The following NUP42 variants were observed in gnomAD, a reference collection of about 807,000 sequenced individuals.
The protein encoded by NUP42 is nucleoporin 42.
A neutral mutation model predicts 35.9 loss-of-function variants in NUP42; 47 were observed. The observed-to-expected ratio is 1.31, with a 90% CI of 1.04 to 1.67. The LOEUF is 1.67. Ranked by LOEUF, NUP42 falls within the 40% of genes most tolerant of loss-of-function variation. NUP42 has a pLI of 0.00. For missense variants in NUP42, 514 were observed against 492.2 expected (o/e 1.04, Z -0.42); for synonymous variants, 173 against 173.3 (o/e 1.00, Z 0.01).
At position 23,185,012 on chromosome 7, in the gene NUP42, A is replaced by G. The variant is rs546380517; in HGVS notation, c.122-58A>G. 4.5e-5 allele frequency: 65 copies of G among 1,436,266 alleles called. No individual in the cohort carries two copies. The Middle Eastern group carries it at 6.9e-4, about 15-fold the overall frequency. The allele number at this position is 1,436,266 out of a possible 1,614,324, so 89.0% of individuals were successfully genotyped here. A position where few individuals can be genotyped will look rare whatever the true frequency, so the allele number is the denominator to read the frequency against. On this transcript the variant is annotated intron_variant, in intron 1 of 6. Coordinates refer to ENST00000258742, the MANE Select transcript of NUP42 (RefSeq NM_007342.3). Reference sequence around the variant, plus strand: ...AAGAGTGAGACCCTATCTCAATTAAAAAGAAAATAGAAAGAAAAGTTGCTA... The same window carrying G: ...AAGAGTGAGACCCTATCTCAATTAAGAAGAAAATAGAAAGAAAAGTTGCTA...
In NUP42 at chr7:23,200,373, A is replaced by T; in HGVS notation, c.900A>T (p.Ser300=). 6.2e-7 allele frequency: 1 copy of T among 1,613,912 alleles called. No individual in the cohort carries two copies. Among genetic ancestry groups the T allele is most frequent in the Non-Finnish European group, 8.5e-7 (1 of 1,179,932 alleles). Residue 300 remains serine (S), a synonymous_variant, in exon 7 of 7, where the codon TCA becomes TCT. Coordinates refer to ENST00000258742, the MANE Select transcript of NUP42 (RefSeq NM_007342.3). ...AGCCTGAAGTCACATCGGCTGCATC[A>T]TTTTCATTCAAAAGCCCTGCAGCTT... ...FGKPEVTSAA[S]FSFKSPAASS... is the part of the protein sequence containing the mutation.
chr7:23,182,941 A>G (rs934725683), intron 1 of NUP42, among the ~76,000 whole-genome samples: 1 of 151,586 alleles, frequency 6.6e-6, no homozygotes, highest in African/African-American at 2.4e-5. Context: ...GAAAAGAAAA[A>G]AAGAAAATCT....
At position 23,185,143 on chromosome 7, in the gene NUP42, A is replaced by C; in HGVS notation, c.195A>C (p.Lys65Asn). ...SNVIQPSSFS[K>N]STPWGGSRDQ... ...TCATCCAGCCATCCAGTTTCTCCAA[A>C]TCCACACCATGGGGGGGCAGCAGAG... Residue 65 changes from lysine (K) to asparagine (N), a missense_variant, in exon 2 of 7, where the codon AAA becomes AAC. Lys to Asn is a moderately conservative substitution (Grantham distance 94). Coordinates refer to ENST00000258742, the MANE Select transcript of NUP42 (RefSeq NM_007342.3). 3 of 1,614,174 alleles carry C rather than the reference A, an allele frequency of 1.9e-6. No individual in the cohort carries two copies. The highest frequency in any genetic ancestry group is 2.5e-6 in the Non-Finnish European group (3 of 1,180,038).
At chr7:23,199,138 G>A (rs934490320) in intron 5 of NUP42, among the ~76,000 whole-genome samples, 3 of 151,624 alleles carry the variant, frequency 2.0e-5, no homozygotes, top group Non-Finnish European at 4.4e-5. Context: ...CTTTTTTTGA[G>A]TCAGAGTCTT....
At chr7:23,189,958 A>G (rs1785735340) in intron 3 of NUP42, among the ~76,000 whole-genome samples, 1 of 152,092 alleles carries the variant, frequency 6.6e-6, no homozygotes, top group African/African-American at 2.4e-5. Context: ...ATAACGTGCC[A>G]ATGTTTAGAA....
At chr7:23,191,807 G>A (rs927699637) in intron 3 of NUP42, among the ~76,000 whole-genome samples, 1 of 151,962 alleles carries the variant, frequency 6.6e-6, no homozygotes, top group African/African-American at 2.4e-5. Context: ...GCAACTTGGC[G>A]AAACCCTGTC....
intron 1 of NUP42, chr7:23,182,523 GT>G: frequency 9.2e-7 from 1 of 1,083,078 alleles, no homozygotes; most frequent in Non-Finnish European, 1.1e-6. Flanking sequence ...TTTTTACTAA[GT>G]TGTTTTTTCG....
At chr7:23,191,305 G>A (rs1785782786) in intron 3 of NUP42, among the ~76,000 whole-genome samples, 1 of 152,174 alleles carries the variant, frequency 6.6e-6, no homozygotes, top group African/African-American at 2.4e-5. Flanking sequence ...TGTGTGAGGG[G>A]GGAGAAAGGT....
At position 23,200,164 on chromosome 7, in the gene NUP42, G is replaced by A. The variant is rs1786162174; in HGVS notation, c.695-4G>A. The A allele has an allele frequency of 1.3e-6, 2 of 1,534,378 alleles. No homozygotes were observed. The highest frequency in any genetic ancestry group is 1.4e-5 in the African/African-American group (1 of 72,158). ...GTTTTTTTTGTTGTTGTTGTTGTTTGTAGGCTTTCCAGTCAATAACAGCAG... is the reference window on the plus strand; with the variant it reads ...GTTTTTTTTGTTGTTGTTGTTGTTTATAGGCTTTCCAGTCAATAACAGCAG... On this transcript the variant is annotated splice_region_variant and splice_polypyrimidine_tract_variant and intron_variant, in intron 6 of 6. Coordinates refer to ENST00000258742, the MANE Select transcript of NUP42 (RefSeq NM_007342.3).
rs779252589 is a variant in NUP42 at position 23,182,092 on chromosome 7, A to G, written c.7A>G (p.Ile3Val). 9.9e-6 allele frequency: 16 copies of G among 1,613,886 alleles called. No individual in the cohort carries two copies. The Admixed American group carries it at 1.5e-4, about 15-fold the overall frequency. The change falls in exon 1 of 7, where the codon ATT (isoleucine) becomes GTT (valine). Residue 3 changes from isoleucine to valine, a missense_variant. Transcript: ENST00000258742. MA[I>V]CQFFLQGRCR... ...CGTCAGCGACGCCGTCGCAATGGCC[A>G]TTTGTCAATTCTTCCTTCAAGGCCG...
intron 5 of NUP42, among the ~76,000 whole-genome samples, chr7:23,197,562 T>A (rs73275852): frequency 1.3e-5 from 2 of 152,202 alleles, no homozygotes; most frequent in Non-Finnish European, 2.9e-5. Flanking sequence ...GTGTGAGAGG[T>A]GGCCCACCAT....
At chr7:23,199,714 T>C (rs544342753) in intron 6 of NUP42, among the ~76,000 whole-genome samples, 172 bp downstream of exon 6, 5 of 152,322 alleles carry the variant, frequency 3.3e-5, no homozygotes, top group African/African-American at 9.6e-5. Context: ...GGAGGCCAGA[T>C]TGGGCATGTT....
chr7:23,197,177 G>T, intron 5 of NUP42: 1 of 1,294,946 alleles, frequency 7.7e-7, no homozygotes, highest in South Asian at 1.2e-5. Context: ...AAACAGAAAT[G>T]CCTTTGGAAG....
chr7:23,187,943 T>TGG, intron 3 of NUP42: 1 of 453,644 alleles, frequency 2.2e-6, no homozygotes. Context: ...TCTGTCTCTC[T>TGG]CTCTCTCTCT....
intron 3 of NUP42, among the ~76,000 whole-genome samples, chr7:23,192,291 A>T (rs2696715): frequency 0.088 from 13,344 of 152,036 alleles, 917 homozygotes; most frequent in African/African-American, 0.18. Flanking sequence ...CACGCCTGTA[A>T]TCTCGGCACT....
At position 23,200,681 on chromosome 7, in the gene NUP42, C is replaced by G. The variant is rs1214214921; in HGVS notation, c.1208C>G (p.Ser403Cys). ...LTVEELEQFQ[S>C]KKFTLGKIPL... ...GTAGAAGAACTGGAACAATTTCAATCCAAGAAATTTACTCTGGGAAAAATT... is the reference window on the plus strand; with the variant it reads ...GTAGAAGAACTGGAACAATTTCAATGCAAGAAATTTACTCTGGGAAAAATT... The change falls in exon 7 of 7, where the codon TCC (serine) becomes TGC (cysteine). Residue 403 changes from serine (S) to cysteine (C), a missense_variant. Transcript: ENST00000258742. The G allele has an allele frequency of 1.2e-6, 2 of 1,610,870 alleles. No homozygotes were observed. The highest frequency in any genetic ancestry group is 1.7e-6 in the Non-Finnish European group (2 of 1,178,856).
At chr7:23,184,311 T>C (rs139534204) in intron 1 of NUP42, among the ~76,000 whole-genome samples, 197 of 152,308 alleles carry the variant, frequency 1.3e-3, no homozygotes, top group Admixed American at 3.9e-3. Flanking sequence ...ATCTTTCATA[T>C]TCGAGAAACT....
In NUP42 at chr7:23,200,371, T is replaced by A; in HGVS notation, c.898T>A (p.Ser300Thr). 1 of 1,614,006 alleles carries A rather than the reference T, an allele frequency of 6.2e-7. No individual in the cohort carries two copies. The highest frequency in any genetic ancestry group is 1.3e-5 in the African/African-American group (1 of 75,050). The stretch of plus-strand genomic sequence containing the variant: ...GAAGCCTGAAGTCACATCGGCTGCA[T>A]CATTTTCATTCAAAAGCCCTGCAGC... Reference protein sequence around the residue: ...FGKPEVTSAASFSFKSPAASS... With the variant: ...FGKPEVTSAATFSFKSPAASS... Residue 300 changes from serine to threonine, a missense_variant, in exon 7 of 7, where the codon TCA (serine) becomes ACA (threonine). Coordinates refer to ENST00000258742, the MANE Select transcript of NUP42 (RefSeq NM_007342.3).
rs1786014854 is a variant in NUP42, at chr7:23,196,483, T to G, written c.523-197T>G. 3 of 522,460 alleles carry G rather than the reference T, an allele frequency of 5.7e-6. No individual in the cohort carries two copies. The South Asian group carries it at 6.7e-5, about 12-fold the overall frequency. The allele number at this position is 522,460 out of a possible 1,614,324, so 32.4% of individuals were successfully genotyped here. A position where few individuals can be genotyped will look rare whatever the true frequency, so the allele number is the denominator to read the frequency against. ...GATACTAACCAGATGATACAAGGAG[T>G]TGAACGGGAGAGGGAACTGGAGCTG... is the stretch of plus-strand genomic sequence containing the variant. On this transcript the variant is annotated intron_variant, in intron 4 of 6. Transcript: ENST00000258742.
Sources: allele counts gnomAD v4.1 joint callset (sites outside exome capture counted in the v4.1 genomes callset), GRCh38; gene constraint gnomAD v4.1.1; transcripts MANE v1.5; gene names NCBI Gene and HGNC (gene_info 2026-07-23, HGNC 2026-07-21).